The following GRIK2 variants were observed in gnomAD, a reference collection of about 807,000 sequenced individuals.
GRIK2 encodes glutamate receptor ionotropic, kainate 2.
In GRIK2, 32 loss-of-function variants were observed where a neutral mutation model predicts 100.3. The observed-to-expected ratio is 0.32, with a 90% CI of 0.24 to 0.43. The LOEUF (loss-of-function observed/expected upper bound fraction) is 0.43. Among genes scored for constraint, GRIK2 ranks in the 20% least tolerant of loss-of-function variants. GRIK2 has a pLI of 1.00. For missense variants in GRIK2, 843 were observed against 1,114.9 expected, an observed-to-expected ratio of 0.76 and a Z score of 3.47; for synonymous variants, 417 against 389.4, an observed-to-expected ratio of 1.07 and a Z score of -0.83.
At chr6:102,040,115 G>T (rs1160498173) in intron 15 of GRIK2, among the ~76,000 whole-genome samples, 2 of 151,322 alleles carry the variant, frequency 1.3e-5, no homozygotes, top group Non-Finnish European at 3.0e-5. Flanking sequence ...AACCCAAAAT[G>T]AATTAGTCAT....
At chr6:101,835,522 T>C (rs551990324) in intron 10 of GRIK2, among the ~76,000 whole-genome samples, 1 of 145,212 alleles carries the variant, frequency 6.9e-6, no homozygotes, top group East Asian at 2.3e-4. Context: ...CCAGGCAGGA[T>C]TGTAGTGGCA....
chr6:101,582,715 A>G (rs1401356664), intron 2 of GRIK2, among the ~76,000 whole-genome samples: 2 of 152,272 alleles, frequency 1.3e-5, no homozygotes, highest in Non-Finnish European at 1.5e-5. Flanking sequence ...CTACATTTCA[A>G]TTTGTGAAGA....
intron 4 of GRIK2, among the ~76,000 whole-genome samples, chr6:101,642,242 T>C (rs974591852): frequency 1.3e-5 from 2 of 151,912 alleles, no homozygotes; most frequent in African/African-American, 4.8e-5. Context: ...AAATTTGTAA[T>C]TGTGGTAAAA....
chr6:101,956,092 T>C (rs1050589030), intron 14 of GRIK2, among the ~76,000 whole-genome samples: 1 of 152,144 alleles, frequency 6.6e-6, no homozygotes, highest in South Asian at 2.1e-4. Flanking sequence ...TTATGTCACG[T>C]ATTTTTATTC....
At chr6:101,429,332 G>A (rs561976542) in intron 2 of GRIK2, among the ~76,000 whole-genome samples, 2 of 152,268 alleles carry the variant, frequency 1.3e-5, no homozygotes, top group East Asian at 1.9e-4. Context: ...CTTGTTGCTC[G>A]TAATGTTTCA....
intron 2 of GRIK2, among the ~76,000 whole-genome samples, chr6:101,506,598 T>C (rs1481220210): frequency 3.9e-5 from 6 of 152,268 alleles, no homozygotes; most frequent in Non-Finnish European, 7.4e-5. Context: ...TGGTCACTTA[T>C]AGGTGTTTTT....
Position 102,055,548 on chromosome 6 carries a change from T to C in GRIK2, c.2530T>C (p.Tyr844His), listed in dbSNP as rs1490446336. ...TTTTGTGGCAGTGGGAGAATTTTTA[T>C]ACAAATCCAAAAAAAACGCTCAATT... Reference protein sequence around the residue: ...SVFVAVGEFLYKSKKNAQLEK... With the variant: ...SVFVAVGEFLHKSKKNAQLEK... Residue 844 changes from tyrosine to histidine, a missense_variant, in exon 16 of 17, where the codon TAC becomes CAC. Coordinates refer to ENST00000369134, the MANE Select transcript of GRIK2 (RefSeq NM_021956.5). 1.2e-6 allele frequency: 2 copies of C among 1,610,578 alleles called. No individual in the cohort carries two copies. The highest frequency in any genetic ancestry group is 4.5e-5 in the East Asian group (2 of 44,808).
intron 14 of GRIK2, among the ~76,000 whole-genome samples, chr6:101,944,567 A>G (rs1050980933): frequency 6.6e-6 from 1 of 152,332 alleles, no homozygotes; most frequent in Admixed American, 6.5e-5. Context: ...CTACTCAAAG[A>G]TGCATGAAAT....
At position 101,826,178 on chromosome 6, in the gene GRIK2, G is replaced by A. The variant is rs531035090; in HGVS notation, c.1317+7695G>A. Among the ~76,000 whole-genome samples the A allele has an allele frequency of 2.6e-5, 4 of 152,206 alleles. No homozygotes were observed. In the South Asian group the frequency reaches 6.2e-4, roughly 24 times the overall value. On this transcript the variant is annotated intron_variant, in intron 10 of 16. Coordinates refer to ENST00000369134, the MANE Select transcript of GRIK2 (RefSeq NM_021956.5). Reference sequence around the variant, plus strand: ...TAGATTATTCTAAGAAAGTTCAACAGAGAAGTAATCAAGAACATTTTGAAC... The same window carrying A: ...TAGATTATTCTAAGAAAGTTCAACAAAGAAGTAATCAAGAACATTTTGAAC...
intron 2 of GRIK2, among the ~76,000 whole-genome samples, chr6:101,581,302 G>A (rs894399859): frequency 6.6e-5 from 10 of 150,730 alleles, no homozygotes; most frequent in African/African-American, 1.7e-4. Flanking sequence ...GTGTGTGTGT[G>A]TATATACATA....
intron 14 of GRIK2, among the ~76,000 whole-genome samples, chr6:101,943,627 T>C (rs1190729154): frequency 2.0e-4 from 30 of 152,168 alleles, no homozygotes; most frequent in Non-Finnish European, 2.9e-5. Flanking sequence ...GAAGGTTATT[T>C]TGGAACTTTA....
At chr6:101,909,374 T>TTTTTTTG (rs1483052244) in intron 12 of GRIK2, among the ~76,000 whole-genome samples, 5 of 114,370 alleles carry the variant, frequency 4.4e-5, no homozygotes, top group Admixed American at 9.6e-5. Flanking sequence ...AGATAGGGTT[T>TTTTTTTG]TCTTTTTCTT....
At chr6:101,988,812 A>G (rs1250298042) in intron 14 of GRIK2, among the ~76,000 whole-genome samples, 1 of 151,944 alleles carries the variant, frequency 6.6e-6, no homozygotes, top group Non-Finnish European at 1.5e-5. Context: ...AGTTAACTGC[A>G]TAAATACTAT....
intron 14 of GRIK2, among the ~76,000 whole-genome samples, chr6:101,975,793 GTCTATCTATCTATCTGTCTA>G (rs1793330256): frequency 1.0e-5 from 1 of 96,936 alleles, no homozygotes; most frequent in South Asian, 3.8e-4. Flanking sequence ...CTGTCTGTCT[GTCTATCTATCTATCTGTCTA>G]TCTATCTATC....
chr6:101,850,697 G>T (rs1357281336), intron 10 of GRIK2, among the ~76,000 whole-genome samples: 3 of 151,956 alleles, frequency 2.0e-5, no homozygotes, highest in Non-Finnish European at 4.4e-5. Context: ...GAGTTATTGG[G>T]TTCCTTAAAA....
intron 14 of GRIK2, among the ~76,000 whole-genome samples, chr6:102,026,789 C>G (rs945131171): frequency 2.6e-5 from 4 of 151,212 alleles, no homozygotes; most frequent in African/African-American, 9.7e-5. Flanking sequence ...ATTACAGATG[C>G]CTTGAGATAA....
intron 14 of GRIK2, among the ~76,000 whole-genome samples, chr6:101,937,262 C>A (rs868205075): frequency 8.5e-5 from 13 of 152,110 alleles, no homozygotes; most frequent in African/African-American, 3.1e-4. Flanking sequence ...CCTCCCTTGT[C>A]CTCCCTCCTT....
intron 2 of GRIK2, among the ~76,000 whole-genome samples, chr6:101,524,122 A>C (rs1384757849): frequency 1.3e-5 from 2 of 152,146 alleles, no homozygotes; most frequent in Non-Finnish European, 2.9e-5. Flanking sequence ...CAAATTATGA[A>C]AGAAGCTTGA....
chr6:101,502,784 A>G (rs1324501171), intron 2 of GRIK2, among the ~76,000 whole-genome samples: 1 of 152,170 alleles, frequency 6.6e-6, no homozygotes, highest in Non-Finnish European at 1.5e-5. Context: ...TTCAATGGCA[A>G]AAAACTTACT....
Sources: gnomAD v4.1 joint callset for allele counts (sites outside exome capture counted in the v4.1 genomes callset) on GRCh38, gnomAD v4.1.1 for gene constraint, MANE v1.5 for transcripts, NCBI Gene and HGNC (gene_info 2026-07-23, HGNC 2026-07-21) for gene names.